Variants in CDK14 observed in about 807,000 individuals in gnomAD.
CDK14 encodes cyclin dependent kinase 14.
A neutral mutation model predicts 60.7 loss-of-function variants in CDK14; 34 were observed. The observed-to-expected ratio is 0.56, with a 90% CI of 0.43 to 0.75. CDK14 has a LOEUF of 0.75. Ranked by LOEUF, CDK14 falls within the 30% of genes least tolerant of loss-of-function variation. CDK14 has a pLI of 0.00. For synonymous variants in CDK14, 197 were observed against 203.7 expected (o/e 0.97, Z 0.28); for missense variants, 482 against 564.1 (o/e 0.85, Z 1.47).
At chr7:90,697,002 A>G (rs546669978) in intron 2 of CDK14, among the ~76,000 whole-genome samples, 60 of 152,296 alleles carry the variant, frequency 3.9e-4, no homozygotes, top group African/African-American at 1.3e-3. Context: ...TGGTATTGCC[A>G]TTGAGGAGGC....
At chr7:90,599,722 ACC>A (rs1327485339) in intron 1 of CDK14, among the ~76,000 whole-genome samples, 50 of 152,282 alleles carry the variant, frequency 3.3e-4, no homozygotes, top group African/African-American at 1.0e-3. Flanking sequence ...ATTCTCTTTA[ACC>A]AATCTAAGCT....
rs1301980153 is a variant in CDK14, at chr7:91,016,015, T to A, written c.1042-29882T>A. ...GTATTTTCATGGAGAACATTGGCTT[T>A]TCAGATATGGATAACTGACCTAAAG... On this transcript the variant is annotated intron_variant, in intron 10 of 14. Coordinates refer to ENST00000380050, the MANE Select transcript of CDK14 (RefSeq NM_001287135.2). Among the ~76,000 whole-genome samples the A allele has an allele frequency of 2.0e-5, 3 of 152,264 alleles. No individual in the cohort carries two copies. The East Asian group carries it at 5.8e-4, about 29-fold the overall frequency.
intron 3 of CDK14, among the ~76,000 whole-genome samples, chr7:90,728,337 T>C (rs1026784964): frequency 1.3e-5 from 2 of 152,034 alleles, no homozygotes; most frequent in Admixed American, 6.6e-5. Flanking sequence ...AACATTTTTA[T>C]TAGTTGGATG....
chr7:91,114,545 G>T (rs1799554035), intron 13 of CDK14, among the ~76,000 whole-genome samples: 1 of 152,088 alleles, frequency 6.6e-6, no homozygotes, highest in South Asian at 2.1e-4. Flanking sequence ...CTCACAGCAG[G>T]CTATTTGCAG....
At chr7:90,718,118 G>C (rs1474431479) in intron 2 of CDK14, among the ~76,000 whole-genome samples, 1 of 152,068 alleles carries the variant, frequency 6.6e-6, no homozygotes, top group Non-Finnish European at 1.5e-5. Context: ...CTAGCATTTA[G>C]TACACAGAAC....
intron 4 of CDK14, among the ~76,000 whole-genome samples, chr7:90,775,511 A>G (rs1804986581): frequency 6.6e-6 from 1 of 152,130 alleles, no homozygotes; most frequent in Non-Finnish European, 1.5e-5. Context: ...GAATGAGAAA[A>G]TTTGATTTCT....
Position 90,750,544 on chromosome 7 carries a change from C to T in CDK14, c.464+2769C>T, listed in dbSNP as rs1034738277. 2.6e-5 allele frequency among the ~76,000 whole-genome samples: 4 copies of T among 152,132 alleles called. No homozygotes were observed. The South Asian group carries it at 8.3e-4, about 31-fold the overall frequency. On this transcript the variant is annotated intron_variant, in intron 4 of 14. Coordinates refer to ENST00000380050, the MANE Select transcript of CDK14 (RefSeq NM_001287135.2). The stretch of plus-strand genomic sequence containing the variant: ...AACATCTTAAAAGGAAATCAGTCAG[C>T]GTTTCTAGAATTGAAAAGCTCACTT...
chr7:90,786,917 C>A (rs1805607645), intron 4 of CDK14, among the ~76,000 whole-genome samples: 2 of 103,086 alleles, frequency 1.9e-5, no homozygotes, highest in Non-Finnish European at 3.9e-5. Context: ...CAGAGTGAGA[C>A]CCTGTCTCCA....
intron 4 of CDK14, among the ~76,000 whole-genome samples, chr7:90,782,353 C>G (rs1251174596): frequency 6.6e-6 from 1 of 152,128 alleles, no homozygotes; most frequent in East Asian, 1.9e-4. Flanking sequence ...ACAATCATGT[C>G]ATCTGCAAAC....
chr7:90,689,214 A>C (rs756922493), intron 2 of CDK14, among the ~76,000 whole-genome samples: 2 of 152,170 alleles, frequency 1.3e-5, no homozygotes, highest in Non-Finnish European at 2.9e-5. Context: ...GGAGCTCTTA[A>C]AGGGATTTGT....
At chr7:90,712,812 C>T (rs1802112864) in intron 2 of CDK14, among the ~76,000 whole-genome samples, 1 of 152,156 alleles carries the variant, frequency 6.6e-6, no homozygotes, top group Non-Finnish European at 1.5e-5. Flanking sequence ...ATTTCACCCA[C>T]TGTACTTGTG....
At chr7:90,757,005 C>CTT (rs1451354232) in intron 4 of CDK14, among the ~76,000 whole-genome samples, 2 of 152,146 alleles carry the variant, frequency 1.3e-5, no homozygotes, top group African/African-American at 4.8e-5. Context: ...ATCTGGGTGG[C>CTT]TTAAGCTACA....
intron 12 of CDK14, 104 bp downstream of exon 12, chr7:91,079,584 A>G: frequency 1.2e-6 from 1 of 820,048 alleles, no homozygotes. Context: ...CCTGCTGTGT[A>G]TTTATTCATT....
chr7:91,076,233 T>C (rs1451057958), intron 11 of CDK14, among the ~76,000 whole-genome samples: 2 of 92,252 alleles, frequency 2.2e-5, no homozygotes, highest in African/African-American at 4.2e-5. Context: ...ACTACAGTGC[T>C]ACAGTAACCA....
chr7:90,869,890 A>G (rs750117269), intron 6 of CDK14, among the ~76,000 whole-genome samples: 1 of 152,170 alleles, frequency 6.6e-6, no homozygotes, highest in African/African-American at 2.4e-5. Context: ...GGCCTTGCCT[A>G]TCTTTGCCAA....
intron 2 of CDK14, among the ~76,000 whole-genome samples, chr7:90,649,878 G>C (rs1332392694): frequency 1.3e-5 from 2 of 152,122 alleles, no homozygotes; most frequent in African/African-American, 4.8e-5. Context: ...CATTTGGGTT[G>C]GTTCCAAGTC....
chr7:91,117,514 G>A (rs1384629565), intron 13 of CDK14, among the ~76,000 whole-genome samples: 3 of 151,930 alleles, frequency 2.0e-5, no homozygotes, highest in African/African-American at 7.3e-5. Context: ...CTCCACCAAT[G>A]TCCCTTCTCA....
chr7:91,006,972 A>G (rs1795996376), intron 10 of CDK14, among the ~76,000 whole-genome samples: 1 of 152,172 alleles, frequency 6.6e-6, no homozygotes, highest in Admixed American at 6.5e-5. Context: ...TTTTGTTTTT[A>G]CTGTCATGGA....
chr7:90,617,010 C>T (rs1204808982), intron 2 of CDK14, among the ~76,000 whole-genome samples: 1 of 151,780 alleles, frequency 6.6e-6, no homozygotes, highest in Non-Finnish European at 1.5e-5. Context: ...TACCTCTTAT[C>T]ACAATTACAT....
Sources: allele counts gnomAD v4.1 joint callset (sites outside exome capture counted in the v4.1 genomes callset), GRCh38; gene constraint gnomAD v4.1.1; transcripts MANE v1.5; gene names NCBI Gene and HGNC (gene_info 2026-07-23, HGNC 2026-07-21).